The following BAZ1A variants were observed in gnomAD, a reference collection of about 807,000 sequenced individuals.
BAZ1A encodes the protein bromodomain adjacent to zinc finger domain 1A.
Under a neutral mutation model 185.2 loss-of-function variants are expected in BAZ1A, and 50 were observed. That is an observed-to-expected ratio of 0.27 (90% confidence interval 0.22 to 0.34). The LOEUF (loss-of-function observed/expected upper bound fraction) is 0.34, where lower values mean the gene tolerates loss of function less well. BAZ1A is among the 10% of genes least tolerant of loss of function. The pLI is 1.00. For missense variants in BAZ1A, 1,356 were observed against 1,839.9 expected (o/e 0.74, Z 4.81); for synonymous variants, 571 against 615.6 (o/e 0.93, Z 1.07).
At chr14:34,863,281 A>C (rs1308024589) in intron 2 of BAZ1A, among the ~76,000 whole-genome samples, 2 of 146,760 alleles carry the variant, frequency 1.4e-5, no homozygotes, top group African/African-American at 2.5e-5. Flanking sequence ...CTCCTGCCTC[A>C]GCCTCCTTAG....
rs187595908 is a variant in BAZ1A at position 34,758,270 on chromosome 14, C to G, written c.4386+434G>C. On this transcript the variant is annotated intron_variant, in intron 25 of 26. Transcript: ENST00000360310. Reference sequence around the variant, plus strand: ...CACTCCGGCCTGGGCGACAGAAACCCTGTCTCTAAAAATACTAAGAAGAAG... The same window carrying G: ...CACTCCGGCCTGGGCGACAGAAACCGTGTCTCTAAAAATACTAAGAAGAAG... Among the ~76,000 whole-genome samples the G allele has an allele frequency of 6.9e-3, 985 of 142,880 alleles. 12 individuals carry two copies. Among genetic ancestry groups the G allele is most frequent in the African/African-American group, 0.025 (949 of 38,340 alleles). 93.7% of individuals were successfully genotyped at this position (142,880 alleles called of 152,430 possible).
chr14:34,764,246 AG>A (rs1878648718), intron 23 of BAZ1A, among the ~76,000 whole-genome samples: 1 of 151,486 alleles, frequency 6.6e-6, no homozygotes, highest in Non-Finnish European at 1.5e-5. Flanking sequence ...ATAAAAAGCA[AG>A]GGTAACTTCA....
rs1479028337 is a variant in BAZ1A, at chr14:34,764,854, G to C, written c.3629C>G (p.Pro1210Arg). 1 of 1,613,946 alleles carries C rather than the reference G, an allele frequency of 6.2e-7. No individual in the cohort carries two copies. Among genetic ancestry groups the C allele is most frequent in the Non-Finnish European group, 8.5e-7 (1 of 1,180,012 alleles). The part of the protein sequence containing the change: ...RSRRLSSRQR[P>R]SLESDEDVED... ...CACATCTTCATCACTTTCCAAGGAT[G>C]GTCTCTGTCTAGAGGAGAGTCTTCT... is the stretch of plus-strand genomic sequence containing the variant. Residue 1210 changes from proline (P) to arginine (R), a missense_variant, in exon 23 of 27, where the codon CCA becomes CGA. Pro to Arg is a moderately radical substitution (Grantham distance 103, BLOSUM62 -2). Around this residue, in one of 7 missense-constraint regions of BAZ1A, gnomAD observed 309 missense variants for 355.3 expected, o/e 0.87. Coordinates refer to ENST00000360310, the MANE Select transcript of BAZ1A (RefSeq NM_013448.3).
intron 12 of BAZ1A, chr14:34,786,605 GTTT>G (rs1205690538): frequency 1.7e-5 from 2 of 119,212 alleles, no homozygotes; most frequent in Non-Finnish European, 1.6e-5. Flanking sequence ...TTTTATGTGT[GTTT>G]TTTTTTTTTT....
intron 16 of BAZ1A, among the ~76,000 whole-genome samples, chr14:34,780,960 T>C (rs1237213129): frequency 6.6e-6 from 1 of 152,018 alleles, no homozygotes; most frequent in Non-Finnish European, 1.5e-5. Flanking sequence ...GGCTAGGAAG[T>C]GATGGTGGCT....
chr14:34,785,634 A>C, intron 14 of BAZ1A, 143 bp downstream of exon 14: 2 of 650,982 alleles, frequency 3.1e-6, no homozygotes, highest in Non-Finnish European at 5.1e-6. Flanking sequence ...AATAAAGTTA[A>C]TATGAATAAT....
chr14:34,771,756 T>TA (rs935725571), intron 20 of BAZ1A, 97 bp from the exon 21 acceptor site: 9 of 1,123,340 alleles, frequency 8.0e-6, no homozygotes, highest in Non-Finnish European at 1.1e-5. Flanking sequence ...TATACCTTTG[T>TA]AAAAAATCAT....
intron 3 of BAZ1A, among the ~76,000 whole-genome samples, chr14:34,840,732 G>T (rs1354323827): frequency 6.6e-6 from 1 of 151,692 alleles, no homozygotes; most frequent in African/African-American, 2.4e-5. Flanking sequence ...ACTCCAGCCT[G>T]GGCGACAGAG....
At chr14:34,803,038 C>A in intron 6 of BAZ1A, 50 bp from the exon 7 acceptor site, 1 of 1,529,984 alleles carries the variant, frequency 6.5e-7, no homozygotes, top group Non-Finnish European at 9.0e-7. Flanking sequence ...TAGTAAACAA[C>A]ATACAGATAT....
intron 3 of BAZ1A, among the ~76,000 whole-genome samples, chr14:34,839,880 TTTAAAA>T (rs2042387937): frequency 6.8e-6 from 1 of 147,340 alleles, no homozygotes; most frequent in Non-Finnish European, 1.5e-5. Flanking sequence ...ATTTCCTAGT[TTTAAAA>T]TTAATTTTTT....
At chr14:34,808,232 A>G (rs1011755526) in intron 5 of BAZ1A, among the ~76,000 whole-genome samples, 1 of 151,630 alleles carries the variant, frequency 6.6e-6, no homozygotes, top group African/African-American at 2.4e-5. Context: ...AGTGGCTCAC[A>G]CCTGTAATCC....
intron 24 of BAZ1A, among the ~76,000 whole-genome samples, chr14:34,759,667 A>T (rs1404437309): frequency 1.5e-5 from 1 of 67,710 alleles, no homozygotes; most frequent in Non-Finnish European, 2.6e-5. Flanking sequence ...TACAGATCTT[A>T]ATTTTATTTA....
intron 3 of BAZ1A, among the ~76,000 whole-genome samples, chr14:34,858,827 A>C (rs958399558): frequency 5.3e-5 from 8 of 152,330 alleles, no homozygotes; most frequent in African/African-American, 7.2e-5. Context: ...CTTCAATGAA[A>C]GTGATATGGA....
rs1215555083 is a variant in BAZ1A at position 34,764,733 on chromosome 14, ATCT to A, written c.3747_3749del (p.Glu1249del). The A allele has an allele frequency of 6.2e-7, 1 of 1,609,902 alleles. No homozygotes were observed. Among genetic ancestry groups the A allele is most frequent in the Admixed American group, 1.7e-5 (1 of 59,542 alleles). ...TGACTTCTTCCTCTTCTTGAGAGTC[ATCT>A]TCATCTTGTTCTACCTCATACTCTT... On this transcript the variant is annotated inframe_deletion, in exon 23 of 27. Coordinates refer to ENST00000360310, the MANE Select transcript of BAZ1A (RefSeq NM_013448.3).
chr14:34,760,543 AAAC>A (rs1394986682), intron 24 of BAZ1A, among the ~76,000 whole-genome samples: 1 of 151,920 alleles, frequency 6.6e-6, no homozygotes, highest in East Asian at 1.9e-4. Context: ...TTCATTTAAA[AAAC>A]AACAACAAAA....
chr14:34,754,898 T>TA lies in BAZ1A; in HGVS notation c.4402_4403insT (p.Asp1468ValfsTer14). 1 of 1,602,792 alleles carries TA rather than the reference T, an allele frequency of 6.2e-7. No individual in the cohort carries two copies. ...TAAGGCAATGGGCTTTTTGATGATG[T>TA]CATAGTAGTCTGGGACCTGTAAAAT... On this transcript the variant is annotated frameshift_variant, in exon 26 of 27. Coordinates refer to ENST00000360310, the MANE Select transcript of BAZ1A (RefSeq NM_013448.3). LOFTEE classifies it high-confidence loss of function.
chr14:34,842,602 T>G (rs2042434240), intron 3 of BAZ1A, among the ~76,000 whole-genome samples: 1 of 152,188 alleles, frequency 6.6e-6, no homozygotes, highest in Middle Eastern at 3.2e-3. Flanking sequence ...ACAAAAATTA[T>G]AAAATAGTCA....
chr14:34,868,300 T>C (rs947125390), intron 2 of BAZ1A, among the ~76,000 whole-genome samples: 2 of 152,036 alleles, frequency 1.3e-5, no homozygotes, highest in African/African-American at 4.8e-5. Context: ...GCGGAAAAAA[T>C]TTGATGACCC....
chr14:34,756,464 C>CTTTTTTTTT (rs1343693112), intron 25 of BAZ1A, among the ~76,000 whole-genome samples: 5 of 107,168 alleles, frequency 4.7e-5, no homozygotes, highest in Non-Finnish European at 5.4e-5. Flanking sequence ...GCCAGAATAC[C>CTTTTTTTTT]TATTTTTTTT....
Sources: gnomAD v4.1 joint callset for allele counts (sites outside exome capture counted in the v4.1 genomes callset) on GRCh38, gnomAD v4.1.1 for gene constraint, gnomAD v4.1.1 regional missense constraint, MANE v1.5 for transcripts, NCBI Gene and HGNC (gene_info 2026-07-23, HGNC 2026-07-21) for gene names.